The following AXIN1 variants were observed in gnomAD, a reference collection of about 807,000 sequenced individuals.
AXIN1 encodes the protein axin 1.
In AXIN1, 30 loss-of-function variants were observed where a neutral mutation model predicts 76.4. That is an observed-to-expected ratio of 0.39 (90% confidence interval 0.29 to 0.53). The LOEUF is 0.53. Among genes scored for constraint, AXIN1 ranks in the 20% least tolerant of loss-of-function variants. The pLI, the probability that AXIN1 is intolerant of heterozygous loss-of-function variation, is 0.66. For synonymous variants in AXIN1, 545 were observed against 501.4 expected (o/e 1.09, Z -1.16); for missense variants, 1,140 against 1,198.8 (o/e 0.95, Z 0.72).
chr16:297,777 C>A lies in AXIN1; in HGVS notation c.1729G>T (p.Gly577Cys), dbSNP rs377674194. Residue 577 changes from glycine to cysteine, a missense_variant, in exon 6 of 11, where the codon GGC (glycine) becomes TGC (cysteine). Around this residue, in one of 3 missense-constraint regions of AXIN1, gnomAD observed 429 missense variants for 405.8 expected, o/e 1.06. Transcript: ENST00000262320. ...EPHSHGARSR[G>C]YSESVGAAPN... ...GCAGCGCCAACACTCTCTGAGTAGC[C>A]TCGGGACCTTGCCCCATGGCTGTGT... The A allele has an allele frequency of 6.3e-7, 1 of 1,578,020 alleles. No individual in the cohort carries two copies. Among genetic ancestry groups the A allele is most frequent in the Non-Finnish European group, 8.6e-7 (1 of 1,161,712 alleles).
At chr16:291,961 G>T (rs1171994767) in intron 8 of AXIN1, 1 of 155,962 alleles carries the variant, frequency 6.4e-6, no homozygotes, top group African/African-American at 2.4e-5. Flanking sequence ...CCCATGGGGG[G>T]ATGCTGGAGC....
At chr16:349,095 CTG>C (rs1343212012) in intron 1 of AXIN1, among the ~76,000 whole-genome samples, 1 of 148,310 alleles carries the variant, frequency 6.7e-6, no homozygotes, top group Admixed American at 6.9e-5. Flanking sequence ...GAGTGAGACT[CTG>C]TCTCAAAAAA....
At chr16:312,139 TG>T (rs1449502189) in intron 3 of AXIN1, among the ~76,000 whole-genome samples, 1 of 152,174 alleles carries the variant, frequency 6.6e-6, no homozygotes, top group African/African-American at 2.4e-5. Context: ...CAGGCCTCCG[TG>T]GATTAGACAC....
At chr16:338,985 C>G (rs2053861010) in intron 2 of AXIN1, among the ~76,000 whole-genome samples, 1 of 93,416 alleles carries the variant, frequency 1.1e-5, no homozygotes, top group South Asian at 3.9e-4. Flanking sequence ...CAGCAGAGCA[C>G]CAGCAGAGTC....
At position 293,754 on chromosome 16, in the gene AXIN1, G is replaced by A. The variant is rs772532226; in HGVS notation, c.1956-36C>T. On this transcript the variant is annotated intron_variant, in intron 7 of 10. Coordinates refer to ENST00000262320, the MANE Select transcript of AXIN1 (RefSeq NM_003502.4). The surrounding 1 kb of genome is among the most constrained non-coding windows in gnomAD (Gnocchi z 4.6). ...AAGAGAACAAGTTGTGACTGTGGCC[G>A]ACACCCTGGCCAGGTGGCCTGGTGG... 12 of 1,595,160 alleles carry A rather than the reference G, an allele frequency of 7.5e-6. No individual in the cohort carries two copies. The highest frequency in any genetic ancestry group is 1.7e-5 in the Admixed American group (1 of 60,002).
intron 2 of AXIN1, among the ~76,000 whole-genome samples, chr16:330,161 G>C (rs919078449): frequency 2.0e-5 from 3 of 150,784 alleles, no homozygotes; most frequent in African/African-American, 4.9e-5. Flanking sequence ...CCCGGTCTCA[G>C]GTGACCCACC....
chr16:341,708 G>C (rs1597114349), intron 2 of AXIN1, among the ~76,000 whole-genome samples: 1 of 152,280 alleles, frequency 6.6e-6, no homozygotes, highest in Non-Finnish European at 1.5e-5. Flanking sequence ...CTGGGCTCCT[G>C]ATTCTGGTGG....
At chr16:319,579 G>A (rs2053392062) in intron 2 of AXIN1, among the ~76,000 whole-genome samples, 1 of 152,148 alleles carries the variant, frequency 6.6e-6, no homozygotes, top group South Asian at 2.1e-4. Flanking sequence ...AGGCCCAAAT[G>A]TCAGGGCCAC....
chr16:314,800 G>A lies in AXIN1; in HGVS notation c.879-117C>T, dbSNP rs2053263056. ...TATTAATTAAAAACACAAGCAATTT[G>A]GAGAAAATAAGGAGCATGGAGAAAA... On this transcript the variant is annotated intron_variant, in intron 2 of 10. Transcript: ENST00000262320. 4.1e-6 allele frequency: 6 copies of A among 1,466,260 alleles called. No individual in the cohort carries two copies. The South Asian group carries it at 6.1e-5, about 15-fold the overall frequency. 90.8% of individuals were successfully genotyped at this position (1,466,260 alleles called of 1,614,324 possible).
chr16:303,381 G>A (rs1447836279), intron 5 of AXIN1, among the ~76,000 whole-genome samples: 5 of 151,560 alleles, frequency 3.3e-5, no homozygotes, highest in African/African-American at 7.3e-5. Context: ...TTTGCGGGAA[G>A]TGATTTTTTT....
In AXIN1 at chr16:346,853, G is replaced by A. The variant is rs771405148; in HGVS notation, c.173C>T (p.Thr58Met). The change falls in exon 2 of 11, where the codon ACG becomes ATG. Residue 58 changes from threonine (T) to methionine (M), a missense_variant. By Grantham distance (81) the Thr-to-Met change is moderately conservative. Transcript: ENST00000262320. ...CAGATCCGAGCGCCTCGGAGTGGCC[G>A]TCGAAGTCTCACCTTTAATGCCAAC... ...KGVGIKGETS[T>M]ATPRRSDLDL... The A allele has an allele frequency of 4.3e-5, 70 of 1,613,476 alleles. No homozygotes were observed. In the East Asian group the frequency reaches 6.0e-4, roughly 14 times the overall value.
At chr16:321,184 G>C (rs967778991) in intron 2 of AXIN1, among the ~76,000 whole-genome samples, 2 of 152,140 alleles carry the variant, frequency 1.3e-5, no homozygotes, top group African/African-American at 2.4e-5. Flanking sequence ...CCACGCTCTG[G>C]GATGCTCTGG....
intron 5 of AXIN1, among the ~76,000 whole-genome samples, chr16:301,081 T>C (rs1314053154): frequency 6.6e-6 from 1 of 151,834 alleles, no homozygotes; most frequent in Non-Finnish European, 1.5e-5. Flanking sequence ...CCATCCTGGC[T>C]AACATGGTGA....
At chr16:289,719 C>T (rs2052499648) in intron 9 of AXIN1, 112 bp from the exon 10 acceptor site, 7 of 1,372,396 alleles carry the variant, frequency 5.1e-6, no homozygotes, top group South Asian at 4.9e-5. Context: ...CAGGGGTGAG[C>T]AGCACCCCAT....
At chr16:320,273 T>C (rs1014988015) in intron 2 of AXIN1, among the ~76,000 whole-genome samples, 1 of 152,194 alleles carries the variant, frequency 6.6e-6, no homozygotes, top group Non-Finnish European at 1.5e-5. Context: ...CTTGAACTCT[T>C]GGGCTCAAGT....
intron 4 of AXIN1, among the ~76,000 whole-genome samples, chr16:306,166 C>T (rs909919132): frequency 1.3e-5 from 2 of 152,006 alleles, no homozygotes; most frequent in Admixed American, 6.6e-5. Context: ...CCCACACACA[C>T]GTACACACAC....
intron 5 of AXIN1, among the ~76,000 whole-genome samples, chr16:303,677 C>T (rs779357474): frequency 1.2e-4 from 18 of 152,196 alleles, no homozygotes; most frequent in Non-Finnish European, 4.4e-5. Flanking sequence ...GCCACTCGCC[C>T]GCCCGTTTCC....
chr16:320,485 G>A (rs1317051793), intron 2 of AXIN1, among the ~76,000 whole-genome samples: 1 of 151,996 alleles, frequency 6.6e-6, no homozygotes, highest in African/African-American at 2.4e-5. Context: ...AAATTATGAT[G>A]CTTCGCTGTG....
Position 314,671 on chromosome 16 carries a change from C to G in AXIN1, c.891G>C (p.Trp297Cys), listed in dbSNP as rs759417207. The stretch of plus-strand genomic sequence containing the variant: ...CATAATAGGGGTTGACTGGCTCCCG[C>G]CAGGATCCATACCTGCAAACAGGCA... ...SEGREFRYGSWREPVNPYYVN... is the reference protein window; with the variant it reads ...SEGREFRYGSCREPVNPYYVN... The change falls in exon 3 of 11, where the codon TGG becomes TGC. Residue 297 changes from tryptophan (W) to cysteine (C), a missense_variant. Coordinates refer to ENST00000262320, the MANE Select transcript of AXIN1 (RefSeq NM_003502.4). The G allele has an allele frequency of 6.2e-7, 1 of 1,613,730 alleles. No homozygotes were observed. Among genetic ancestry groups the G allele is most frequent in the Admixed American group, 1.7e-5 (1 of 60,022 alleles).
Sources: gnomAD v4.1 joint callset for allele counts (sites outside exome capture counted in the v4.1 genomes callset) on GRCh38, gnomAD v4.1.1 for gene constraint, gnomAD v4.1.1 regional missense constraint, Gnocchi (gnomAD v3.1) non-coding constraint, MANE v1.5 for transcripts, NCBI Gene and HGNC (gene_info 2026-07-23, HGNC 2026-07-21) for gene names.